Variants in WDR49 observed in about 807,000 individuals in gnomAD.
WDR49 encodes cilia- and flagella-associated protein 337.
In WDR49, 107 loss-of-function variants were observed where a neutral mutation model predicts 119.5. The observed-to-expected ratio is 0.90, with a 90% CI of 0.77 to 1.05. WDR49 has a LOEUF of 1.05. Among genes scored for constraint, WDR49 ranks in the 50% least tolerant of loss-of-function variants. WDR49 has a pLI of 0.00. For missense variants in WDR49, 1,240 were observed against 1,220.5 expected, an observed-to-expected ratio of 1.02 and a Z score of -0.24; for synonymous variants, 425 against 418.8, an observed-to-expected ratio of 1.01 and a Z score of -0.18.
intron 2 of WDR49, among the ~76,000 whole-genome samples, chr3:167,646,432 C>T (rs1271421263): frequency 6.6e-6 from 1 of 152,088 alleles, no homozygotes; most frequent in East Asian, 1.9e-4. Flanking sequence ...CTGAGAGTAG[C>T]TCCTTGCCAC....
upstream of WDR49, among the ~76,000 whole-genome samples, chr3:167,655,874 A>G (rs1401750581): frequency 6.6e-6 from 1 of 152,066 alleles, no homozygotes; most frequent in African/African-American, 2.4e-5. Context: ...CTCCAGCCTG[A>G]GTGACAGAGA....
At chr3:167,635,965 AT>A (rs60802771) in intron 2 of WDR49, among the ~76,000 whole-genome samples, 2,738 of 151,312 alleles carry the variant, frequency 0.018, 92 homozygotes, top group African/African-American at 0.062. Flanking sequence ...AATTAAAAAA[AT>A]TTTTTTTTAT....
chr3:167,560,162 G>C lies in WDR49; in HGVS notation c.1576C>G (p.Gln526Glu). The change falls in exon 9 of 19, where the codon CAG becomes GAG. Residue 526 changes from glutamine to glutamate, a missense_variant. By Grantham distance (29) the Gln-to-Glu change is conservative. Coordinates refer to ENST00000682715, the MANE Select transcript of WDR49 (RefSeq NM_001366157.1). Reference sequence around the variant, plus strand: ...GCGTTGCCGTGGCAACCAGTAAACTGTTTGATTTTCTGCCCAGTGTCTATC... The same window carrying C: ...GCGTTGCCGTGGCAACCAGTAAACTCTTTGATTTTCTGCCCAGTGTCTATC... ...WMIDTGQKIK[Q>E]FTGCHGNAEI... 6.2e-7 allele frequency: 1 copy of C among 1,614,084 alleles called. No homozygotes were observed. Among genetic ancestry groups the C allele is most frequent in the South Asian group, 1.1e-5 (1 of 91,084 alleles).
chr3:167,543,884 GA>G (rs1711998269), intron 10 of WDR49, among the ~76,000 whole-genome samples: 1 of 151,970 alleles, frequency 6.6e-6, no homozygotes, highest in African/African-American at 2.4e-5. Flanking sequence ...TGTATACCTA[GA>G]AAACCCTGAC....
chr3:167,598,102 C>T (rs570268925), intron 7 of WDR49, among the ~76,000 whole-genome samples: 11 of 152,032 alleles, frequency 7.2e-5, no homozygotes, highest in South Asian at 6.2e-4. Flanking sequence ...GACAGGAGAT[C>T]GAGACCATCT....
At chr3:167,575,234 C>T in intron 8 of WDR49, 1 of 985,870 alleles carries the variant, frequency 1.0e-6, no homozygotes, top group East Asian at 1.1e-4. Flanking sequence ...CACAGGCTGC[C>T]CCACACTGAG....
chr3:167,577,123 C>T (rs1325376384), intron 7 of WDR49, among the ~76,000 whole-genome samples: 1 of 152,136 alleles, frequency 6.6e-6, no homozygotes, highest in African/African-American at 2.4e-5. Flanking sequence ...TAAATCCTTG[C>T]TCAAGAAATA....
chr3:167,640,213 G>T (rs1250683835), intron 2 of WDR49, among the ~76,000 whole-genome samples: 1 of 151,814 alleles, frequency 6.6e-6, no homozygotes, highest in African/African-American at 2.4e-5. Flanking sequence ...TCTCCCCTGT[G>T]ACAGCAGAAC....
Position 167,480,247 on chromosome 3 carries a change from T to TAAAAAA in WDR49, c.3032-1257_3032-1252dup, listed in dbSNP as rs1162973369. Among the ~76,000 whole-genome samples the TAAAAAA allele has an allele frequency of 4.4e-3, 245 of 55,082 alleles. 4 individuals carry two copies. Among genetic ancestry groups the TAAAAAA allele is most frequent in the African/African-American group, 0.019 (234 of 12,408 alleles). The allele number at this position is 55,082 out of a possible 152,430, so 36.1% of individuals were successfully genotyped here. A position where few individuals can be genotyped will look rare whatever the true frequency, so the allele number is the denominator to read the frequency against. On this transcript the variant is annotated intron_variant, in intron 18 of 18. Transcript: ENST00000682715. ...CCAAGCAACAGAGAGAGACTCTGTCTAAAAAAAAAAAAAAAAAAAAAAAAG... is the reference window on the plus strand; with the variant it reads ...CCAAGCAACAGAGAGAGACTCTGTCTAAAAAAAAAAAAAAAAAAAAAAAAAAAAAAG...
At chr3:167,533,362 T>C (rs961597093) in intron 11 of WDR49, among the ~76,000 whole-genome samples, 14 of 152,154 alleles carry the variant, frequency 9.2e-5, no homozygotes, top group Admixed American at 2.0e-4. Context: ...AAAAAAGAGT[T>C]AATAATTTTA....
chr3:167,639,823 A>G (rs539797836), intron 2 of WDR49, among the ~76,000 whole-genome samples: 33 of 151,824 alleles, frequency 2.2e-4, no homozygotes, highest in Middle Eastern at 3.4e-3. Flanking sequence ...TTCATCCCAG[A>G]TATCTGGCAA....
At chr3:167,641,537 G>C (rs1392120902) in intron 2 of WDR49, among the ~76,000 whole-genome samples, 1 of 151,840 alleles carries the variant, frequency 6.6e-6, no homozygotes, top group Non-Finnish European at 1.5e-5. Context: ...TGCTGAGAAT[G>C]CCCAAAGAAA....
At chr3:167,651,532 C>T (rs780280719) in intron 2 of WDR49, among the ~76,000 whole-genome samples, 26 of 152,056 alleles carry the variant, frequency 1.7e-4, no homozygotes, top group Non-Finnish European at 2.8e-4. Flanking sequence ...GTACTGGCTG[C>T]ACATGTGCCA....
At chr3:167,589,116 A>G (rs970955300) in intron 7 of WDR49, among the ~76,000 whole-genome samples, 1 of 152,176 alleles carries the variant, frequency 6.6e-6, no homozygotes, top group African/African-American at 2.4e-5. Context: ...ATTTTTGTAT[A>G]TGACAAGATT....
At chr3:167,651,759 T>C (rs1050060104) in intron 2 of WDR49, among the ~76,000 whole-genome samples, 1 of 152,158 alleles carries the variant, frequency 6.6e-6, no homozygotes, top group African/African-American at 2.4e-5. Flanking sequence ...TTGAAATATT[T>C]AACATAAAAT....
chr3:167,594,014 G>A (rs1051157747), intron 7 of WDR49, among the ~76,000 whole-genome samples: 1 of 152,096 alleles, frequency 6.6e-6, no homozygotes, highest in Non-Finnish European at 1.5e-5. Context: ...AGTCTCCCCA[G>A]CCATGAGCAA....
chr3:167,549,756 G>T (rs1712437342), intron 10 of WDR49, among the ~76,000 whole-genome samples: 1 of 152,188 alleles, frequency 6.6e-6, no homozygotes, highest in Admixed American at 6.5e-5. Context: ...TTTTAGTCAT[G>T]AAGTCCTTGC....
intron 2 of WDR49, among the ~76,000 whole-genome samples, chr3:167,633,950 A>C (rs754514953): frequency 2.6e-5 from 4 of 152,020 alleles, no homozygotes; most frequent in Admixed American, 1.3e-4. Flanking sequence ...TATACACTTA[A>C]TATAGATAGG....
intron 11 of WDR49, among the ~76,000 whole-genome samples, chr3:167,535,351 T>C (rs748490163): frequency 2.0e-5 from 3 of 152,090 alleles, no homozygotes; most frequent in African/African-American, 7.2e-5. Flanking sequence ...TCTGATAGTA[T>C]AAGGGGTTAA....
Sources: gnomAD v4.1 joint callset for allele counts (sites outside exome capture counted in the v4.1 genomes callset) on GRCh38, gnomAD v4.1.1 for gene constraint, MANE v1.5 for transcripts, NCBI Gene and HGNC (gene_info 2026-07-23, HGNC 2026-07-21) for gene names.